The following CDH23 variants were observed in gnomAD, a reference collection of about 807,000 sequenced individuals.
CDH23 encodes cadherin related 23, also known as cadherin-23.
A neutral mutation model predicts 317.1 loss-of-function variants in CDH23; 189 were observed. That is an observed-to-expected ratio of 0.60 (90% CI 0.53 to 0.67). The LOEUF is 0.67. Among genes scored for constraint, CDH23 ranks in the 30% least tolerant of loss-of-function variants. CDH23 has a pLI of 0.00. For synonymous variants in CDH23, 1,839 were observed against 1,876.8 expected, an observed-to-expected ratio of 0.98 and a Z score of 0.52; for missense variants, 4,401 against 4,592.4, an observed-to-expected ratio of 0.96 and a Z score of 1.20.
At chr10:71,449,748 C>G (rs1005854878) in intron 3 of CDH23, among the ~76,000 whole-genome samples, 1 of 152,162 alleles carries the variant, frequency 6.6e-6, no homozygotes, top group East Asian at 1.9e-4. Context: ...TTATCCACCC[C>G]CAACCTTCTG....
At chr10:71,406,021 T>G (rs1934738370) in intron 1 of CDH23, among the ~76,000 whole-genome samples, 1 of 47,158 alleles carries the variant, frequency 2.1e-5, no homozygotes, top group Admixed American at 2.0e-4. Context: ...GCAGGTAATT[T>G]TTTTTTTTTT....
intron 9 of CDH23, among the ~76,000 whole-genome samples, chr10:71,585,496 G>T (rs977722495): frequency 2.6e-5 from 4 of 152,210 alleles, no homozygotes; most frequent in African/African-American, 9.7e-5. Flanking sequence ...TGCAGGTTTA[G>T]CCCATTTGTA....
intron 14 of CDH23, among the ~76,000 whole-genome samples, chr10:71,665,279 G>A (rs1863837794): frequency 6.6e-6 from 1 of 152,118 alleles, no homozygotes; most frequent in East Asian, 1.9e-4. Flanking sequence ...CATACCTGGA[G>A]TCCAGCCACA....
Position 71,480,810 on chromosome 10 carries a change from T to C in CDH23, c.146-29272T>C, listed in dbSNP as rs115796679. ...GGCTCACACAAGAAGAAGGACATGA[T>C]GGAGATGGGTTATATTTGGGGGTGG... On this transcript the variant is annotated intron_variant, in intron 3 of 69. Coordinates refer to ENST00000224721, the MANE Select transcript of CDH23 (RefSeq NM_022124.6). Among the ~76,000 whole-genome samples the C allele has an allele frequency of 6.4e-3, 960 of 150,686 alleles. 22 individuals are homozygous for C. Among genetic ancestry groups the C allele is most frequent in the African/African-American group, 0.022 (896 of 41,000 alleles).
chr10:71,727,658 C>T (rs1328192138), intron 30 of CDH23, among the ~76,000 whole-genome samples: 1 of 152,146 alleles, frequency 6.6e-6, no homozygotes, highest in Admixed American at 6.5e-5. Flanking sequence ...GTGTTCACGA[C>T]ACATACACAC....
In CDH23 at chr10:71,474,084, G is replaced by C. The variant is rs370041908; in HGVS notation, c.145+27689G>C. On this transcript the variant is annotated intron_variant, in intron 3 of 69. Transcript: ENST00000224721. Reference sequence around the variant, plus strand: ...CTCTCATGCCAGGCTCCAGAGTCCAGGATGTTGGTGCCCGCTCCCTCCCCC... The same window carrying C: ...CTCTCATGCCAGGCTCCAGAGTCCACGATGTTGGTGCCCGCTCCCTCCCCC... 4.6e-5 allele frequency among the ~76,000 whole-genome samples: 7 copies of C among 152,318 alleles called. No individual in the cohort carries two copies. In the East Asian group the frequency reaches 1.4e-3, roughly 29 times the overall value.
intron 34 of CDH23, among the ~76,000 whole-genome samples, chr10:71,736,215 C>T (rs1371776634): frequency 6.6e-6 from 1 of 152,264 alleles, no homozygotes; most frequent in Non-Finnish European, 1.5e-5. Flanking sequence ...GGCCCACCCC[C>T]TTTTGTTCTG....
At chr10:71,666,115 C>T (rs1863881021) in intron 14 of CDH23, among the ~76,000 whole-genome samples, 2 of 152,106 alleles carry the variant, frequency 1.3e-5, no homozygotes, top group South Asian at 4.1e-4. Context: ...GCAGGCCTCA[C>T]CACTAGTCAG....
At chr10:71,541,175 C>A (rs1855968060) in intron 6 of CDH23, among the ~76,000 whole-genome samples, 2 of 152,280 alleles carry the variant, frequency 1.3e-5, no homozygotes, top group South Asian at 4.1e-4. Context: ...CCCTAATAAT[C>A]CCTCCTCTGG....
At chr10:71,728,667 G>C (rs1227298686) in intron 30 of CDH23, among the ~76,000 whole-genome samples, 2 of 152,174 alleles carry the variant, frequency 1.3e-5, no homozygotes, top group African/African-American at 4.8e-5. Flanking sequence ...TTCCCCATTT[G>C]CTTCCCTCTC....
At chr10:71,425,367 G>A (rs1405999285) in intron 1 of CDH23, among the ~76,000 whole-genome samples, 4 of 144,680 alleles carry the variant, frequency 2.8e-5, no homozygotes, top group Non-Finnish European at 6.0e-5. Flanking sequence ...GAGAAAGAGA[G>A]AGGAGAAGGA....
rs758407800 is a variant in CDH23 at position 71,465,321 on chromosome 10, G to T, written c.145+18926G>T. ...CTACCTGCCCAGAGTGACTCAGCTG[G>T]GGGCAGGCAGCCCCTGAAGGAGCTC... On this transcript the variant is annotated intron_variant, in intron 3 of 69. Coordinates refer to ENST00000224721, the MANE Select transcript of CDH23 (RefSeq NM_022124.6). 2.6e-4 allele frequency among the ~76,000 whole-genome samples: 40 copies of T among 152,224 alleles called. 1 individual carries two copies. Among genetic ancestry groups the T allele is most frequent in the Non-Finnish European group, 4.7e-4 (32 of 68,026 alleles).
chr10:71,798,987 C>T, intron 50 of CDH23, 124 bp from the exon 51 acceptor site: 2 of 898,570 alleles, frequency 2.2e-6, no homozygotes, highest in Admixed American at 5.1e-5. Context: ...GGTGGTGCTG[C>T]CTGACCACCC....
chr10:71,627,975 G>A (rs921465038), intron 11 of CDH23, among the ~76,000 whole-genome samples: 12 of 152,240 alleles, frequency 7.9e-5, no homozygotes, highest in African/African-American at 2.9e-4. Flanking sequence ...CGTTGTGGGT[G>A]CCAGTGAACC....
Position 71,702,333 on chromosome 10 carries a change from G to A in CDH23, c.2587+122G>A, listed in dbSNP as rs899434034. 7 of 1,203,346 alleles carry A rather than the reference G, an allele frequency of 5.8e-6. No individual in the cohort carries two copies. The African/African-American group carries it at 9.0e-5, about 16-fold the overall frequency. 74.5% of individuals were successfully genotyped at this position (1,203,346 alleles called of 1,614,324 possible). A position where few individuals can be genotyped will look rare whatever the true frequency, so the allele number is the denominator to read the frequency against. ...TCTATGTCTGATCACCAAGAGTAGAGTAATACCCACGCCCCAGTTGTGACT... is the reference window on the plus strand; with the variant it reads ...TCTATGTCTGATCACCAAGAGTAGAATAATACCCACGCCCCAGTTGTGACT... On this transcript the variant is annotated intron_variant, in intron 23 of 69. Coordinates refer to ENST00000224721, the MANE Select transcript of CDH23 (RefSeq NM_022124.6).
intron 38 of CDH23, chr10:71,761,447 T>C (rs1406274622): frequency 1.0e-6 from 1 of 956,424 alleles, no homozygotes; most frequent in East Asian, 2.6e-5. Flanking sequence ...CCACACACCC[T>C]TGACCACCCC....
chr10:71,794,158 C>T (rs1445777274), intron 48 of CDH23, among the ~76,000 whole-genome samples: 1 of 152,140 alleles, frequency 6.6e-6, no homozygotes, highest in African/African-American at 2.4e-5. Flanking sequence ...TGTGCCACCA[C>T]ACCCAGCTAA....
At chr10:71,411,572 C>A (rs930182897) in intron 1 of CDH23, among the ~76,000 whole-genome samples, 11 of 151,890 alleles carry the variant, frequency 7.2e-5, no homozygotes, top group Admixed American at 5.9e-4. Context: ...AGTTTTATAT[C>A]TTCTTTTACA....
At chr10:71,594,417 A>T (rs1310726379) in intron 9 of CDH23, among the ~76,000 whole-genome samples, 2 of 149,410 alleles carry the variant, frequency 1.3e-5, no homozygotes, top group Non-Finnish European at 1.5e-5. Flanking sequence ...CTTATTGCCC[A>T]GGCTGGAGTG....
Sources: allele counts gnomAD v4.1 joint callset (sites outside exome capture counted in the v4.1 genomes callset), GRCh38; gene constraint gnomAD v4.1.1; transcripts MANE v1.5; gene names NCBI Gene and HGNC (gene_info 2026-07-23, HGNC 2026-07-21).